The following PDZRN4 variants were observed in gnomAD, a reference collection of about 807,000 sequenced individuals.
PDZRN4 encodes the protein PDZ domain containing ring finger 4.
In PDZRN4, 70 loss-of-function variants were observed where a neutral mutation model predicts 99.0. That is an observed-to-expected ratio of 0.71 (90% CI 0.58 to 0.86). PDZRN4 has a LOEUF of 0.86. PDZRN4 is among the 40% of genes least tolerant of loss of function. The pLI is 0.00. For synonymous variants in PDZRN4, 551 were observed against 501.6 expected (o/e 1.10, Z -1.32); for missense variants, 1,474 against 1,331.2 (o/e 1.11, Z -1.67).
At chr12:41,467,957 A>G (rs1340090247) in intron 3 of PDZRN4, among the ~76,000 whole-genome samples, 1 of 152,214 alleles carries the variant, frequency 6.6e-6, no homozygotes, top group Non-Finnish European at 1.5e-5. Context: ...AACTTTTGAT[A>G]GTCTTACATT....
intron 3 of PDZRN4, among the ~76,000 whole-genome samples, chr12:41,314,013 A>G (rs1387926579): frequency 6.6e-6 from 1 of 152,226 alleles, no homozygotes; most frequent in East Asian, 1.9e-4. Context: ...ATGTGTTAGA[A>G]AACAGATACT....
At chr12:41,467,510 T>A (rs1303715955) in intron 3 of PDZRN4, among the ~76,000 whole-genome samples, 1 of 152,146 alleles carries the variant, frequency 6.6e-6, no homozygotes, top group Non-Finnish European at 1.5e-5. Flanking sequence ...AGGTTTTGAG[T>A]GTGTCAAGTT....
rs144492260 is a variant in PDZRN4 at position 41,309,268 on chromosome 12, G to A, written c.843+115080G>A. ...TACCATAGACTAGCTAATTTGTAAT[G>A]ATCAGAAATTTATTGACTCACAGTT... On this transcript the variant is annotated intron_variant, in intron 3 of 9. Coordinates refer to ENST00000402685, the MANE Select transcript of PDZRN4 (RefSeq NM_001164595.2). 2.8e-4 allele frequency among the ~76,000 whole-genome samples: 43 copies of A among 152,234 alleles called. No homozygotes were observed. The Middle Eastern group carries it at 0.01, about 36-fold the overall frequency.
chr12:41,488,315 G>T (rs1391124052), intron 3 of PDZRN4, among the ~76,000 whole-genome samples: 2 of 152,140 alleles, frequency 1.3e-5, no homozygotes, highest in African/African-American at 2.4e-5. Flanking sequence ...ATTTATTAGG[G>T]TGTGCATTAG....
intron 3 of PDZRN4, among the ~76,000 whole-genome samples, chr12:41,355,677 A>G (rs1951922496): frequency 6.6e-6 from 1 of 152,108 alleles, no homozygotes. Context: ...GTAGTCTTGT[A>G]AGCAGACAGC....
chr12:41,411,178 G>A (rs963798380), intron 3 of PDZRN4, among the ~76,000 whole-genome samples: 8 of 151,780 alleles, frequency 5.3e-5, no homozygotes, highest in Non-Finnish European at 8.8e-5. Context: ...TAGGATTATA[G>A]GCATGAGCCA....
intron 3 of PDZRN4, among the ~76,000 whole-genome samples, chr12:41,226,301 C>CT (rs1259291120): frequency 2.0e-5 from 3 of 152,024 alleles, no homozygotes; most frequent in Admixed American, 6.6e-5. Context: ...CTTCCCTATT[C>CT]TTTTTTTCTC....
At chr12:41,396,304 AC>A (rs1321637849) in intron 3 of PDZRN4, among the ~76,000 whole-genome samples, 7 of 152,084 alleles carry the variant, frequency 4.6e-5, no homozygotes, top group African/African-American at 1.4e-4. Flanking sequence ...AGACCATAAG[AC>A]AGTTTCTTCA....
chr12:41,321,153 A>C (rs943049939), intron 3 of PDZRN4, among the ~76,000 whole-genome samples: 3 of 152,136 alleles, frequency 2.0e-5, no homozygotes, highest in Non-Finnish European at 4.4e-5. Flanking sequence ...TGCACTTTTT[A>C]AAAATAAGGT....
At chr12:41,440,860 G>A (rs533420650) in intron 3 of PDZRN4, among the ~76,000 whole-genome samples, 1 of 152,206 alleles carries the variant, frequency 6.6e-6, no homozygotes, top group East Asian at 1.9e-4. Context: ...AAGGAGTAAT[G>A]GGAACAATGT....
chr12:41,389,994 TTAAAA>T (rs1174394052), intron 3 of PDZRN4, among the ~76,000 whole-genome samples: 1 of 152,202 alleles, frequency 6.6e-6, no homozygotes, highest in African/African-American at 2.4e-5. Context: ...CAGATTATTC[TTAAAA>T]TAAGATAAAT....
chr12:41,350,359 A>G lies in PDZRN4; in HGVS notation c.844-156097A>G, dbSNP rs75851999. ...CTTGTGACTTTGTTGCCTAGACAAGATGGCACTGGGAGTTAACAACTGTTT... is the reference window on the plus strand; with the variant it reads ...CTTGTGACTTTGTTGCCTAGACAAGGTGGCACTGGGAGTTAACAACTGTTT... On this transcript the variant is annotated intron_variant, in intron 3 of 9. Coordinates refer to ENST00000402685, the MANE Select transcript of PDZRN4 (RefSeq NM_001164595.2). Among the ~76,000 whole-genome samples the G allele has an allele frequency of 3.8e-3, 581 of 152,274 alleles. 19 individuals carry two copies. The East Asian group carries it at 0.091, about 24-fold the overall frequency.
At chr12:41,516,066 C>T (rs934283647) in intron 5 of PDZRN4, among the ~76,000 whole-genome samples, 12 of 151,932 alleles carry the variant, frequency 7.9e-5, no homozygotes, top group Non-Finnish European at 1.6e-4. Flanking sequence ...GCTTTTCTGA[C>T]AATCTCTGCT....
intron 3 of PDZRN4, among the ~76,000 whole-genome samples, chr12:41,197,070 A>G (rs2120650735): frequency 6.8e-6 from 1 of 147,104 alleles, no homozygotes; most frequent in East Asian, 2.0e-4. Context: ...AATAAAAACA[A>G]TAAGAGATTC....
chr12:41,332,071 AAG>A (rs1484481003), intron 3 of PDZRN4, among the ~76,000 whole-genome samples: 3 of 152,258 alleles, frequency 2.0e-5, no homozygotes, highest in African/African-American at 7.2e-5. Context: ...TTAATTGAGA[AAG>A]AGAATTTCTG....
Position 41,573,086 on chromosome 12 carries a change from G to A in PDZRN4, c.2307G>A (p.Lys769=), listed in dbSNP as rs755536842. The change falls in exon 10 of 10, where the codon AAG becomes AAA. Residue 769 remains lysine (K), a synonymous_variant. Transcript: ENST00000402685. The part of the protein sequence containing the change: ...SLPRVINLTN[K]KNLRSTMAAT... ...CAAGGGTGATCAACCTCACCAATAAGAAAAACCTGAGAAGCACAATGGCAG... is the reference window on the plus strand; with the variant it reads ...CAAGGGTGATCAACCTCACCAATAAAAAAAACCTGAGAAGCACAATGGCAG... The A allele has an allele frequency of 5.5e-5, 88 of 1,613,940 alleles. No homozygotes were observed. The South Asian group carries it at 8.6e-4, about 16-fold the overall frequency.
chr12:41,227,099 G>A (rs1285163786), intron 3 of PDZRN4, among the ~76,000 whole-genome samples: 2 of 152,080 alleles, frequency 1.3e-5, no homozygotes, highest in African/African-American at 2.4e-5. Context: ...TAGAATAATA[G>A]CCAGGAGTTA....
chr12:41,213,320 T>G (rs1591970409), intron 3 of PDZRN4, among the ~76,000 whole-genome samples: 1 of 152,012 alleles, frequency 6.6e-6, no homozygotes, highest in Admixed American at 6.6e-5. Context: ...GTGGCAGTGG[T>G]TTCGATGAGG....
At chr12:41,499,670 T>C (rs1938076024) in intron 3 of PDZRN4, among the ~76,000 whole-genome samples, 1 of 152,004 alleles carries the variant, frequency 6.6e-6, no homozygotes, top group African/African-American at 2.4e-5. Context: ...TAACCAAAAT[T>C]ATTCATTGGT....
Sources: gnomAD v4.1 joint callset for allele counts (sites outside exome capture counted in the v4.1 genomes callset) on GRCh38, gnomAD v4.1.1 for gene constraint, MANE v1.5 for transcripts, NCBI Gene and HGNC (gene_info 2026-07-23, HGNC 2026-07-21) for gene names.